The following XRCC6 variants were observed in gnomAD, a reference collection of about 807,000 sequenced individuals.
XRCC6 encodes X-ray repair cross complementing 6.
XRCC6 carries 5 observed loss-of-function variants against 65.7 expected under a neutral mutation model. That is an observed-to-expected ratio of 0.08 (90% confidence interval 0.04 to 0.16). The LOEUF is 0.16. Among genes scored for constraint, XRCC6 ranks in the 10% least tolerant of loss-of-function variants. The pLI is 1.00. For missense variants in XRCC6, 447 were observed against 738.1 expected, an observed-to-expected ratio of 0.61 and a Z score of 4.57; for synonymous variants, 270 against 270.6, an observed-to-expected ratio of 1.00 and a Z score of 0.02.
At position 41,663,701 on chromosome 22, in the gene XRCC6, G is replaced by T; in HGVS notation, c.1716G>T (p.Thr572=). 4 of 1,613,972 alleles carry T rather than the reference G, an allele frequency of 2.5e-6. No homozygotes were observed. The highest frequency in any genetic ancestry group is 1.7e-5 in the Admixed American group (1 of 60,016). The change falls in exon 13 of 13, where the codon ACG becomes ACT. Residue 572 remains threonine, a synonymous_variant. Transcript: ENST00000360079. ...EELKTHISKG[T]LGKFTVPMLK... is the part of the protein sequence containing the mutation. The stretch of plus-strand genomic sequence containing the variant: ...TGAAGACCCACATCAGCAAGGGTAC[G>T]CTGGGCAAGTTCACTGTGCCCATGC...
chr22:41,649,126 CA>C lies in XRCC6; in HGVS notation c.961-1583del, dbSNP rs1335320703. Among the ~76,000 whole-genome samples the C allele has an allele frequency of 2.3e-3, 209 of 90,250 alleles. 6 individuals are homozygous for C. Among genetic ancestry groups the C allele is most frequent in the East Asian group, 6.3e-3 (25 of 3,998 alleles). The allele number at this position is 90,250 out of a possible 152,430, so 59.2% of individuals were successfully genotyped here. A position where few individuals can be genotyped will look rare whatever the true frequency, so the allele number is the denominator to read the frequency against. On this transcript the variant is annotated intron_variant, in intron 7 of 12. Coordinates refer to ENST00000360079, the MANE Select transcript of XRCC6 (RefSeq NM_001469.5). The stretch of plus-strand genomic sequence containing the variant: ...GGTGCACAGCCTGGGGAAGAGAGTA[CA>C]AAAAAAAAAAAAATATATATATATA...
chr22:41,627,664 GAAGTTTTA>G (rs2067693714), intron 2 of XRCC6, among the ~76,000 whole-genome samples: 2 of 149,624 alleles, frequency 1.3e-5, no homozygotes, highest in African/African-American at 2.5e-5. Context: ...CCTGAGCTCA[GAAGTTTTA>G]GATCAGCCTG....
chr22:41,661,281 G>T (rs1345823661), intron 11 of XRCC6, 50 bp from the exon 12 acceptor site: 1 of 1,532,066 alleles, frequency 6.5e-7, no homozygotes, highest in African/African-American at 1.4e-5. Context: ...TGGACAGCAA[G>T]CTGGGGCTCG....
chr22:41,637,560 G>T, intron 5 of XRCC6, 48 bp from the exon 6 acceptor site: 1 of 1,460,900 alleles, frequency 6.8e-7, no homozygotes, highest in Non-Finnish European at 9.1e-7. Flanking sequence ...CTTCTCACTT[G>T]CTGAAAATTG....
chr22:41,655,866 A>C (rs1007025179), intron 9 of XRCC6, among the ~76,000 whole-genome samples: 3 of 151,744 alleles, frequency 2.0e-5, no homozygotes, highest in Non-Finnish European at 4.4e-5. Flanking sequence ...GTCCGGCCCA[A>C]GCTAGTTTTC....
intron 6 of XRCC6, among the ~76,000 whole-genome samples, chr22:41,640,504 G>C (rs28384741): frequency 0.14 from 21,059 of 152,102 alleles, 4,012 homozygotes; most frequent in African/African-American, 0.43. Flanking sequence ...AGGCTGGTCT[G>C]AGACTCCTGG....
At chr22:41,647,165 C>T (rs1233632882) in intron 7 of XRCC6, 83 bp downstream of exon 7, 4 of 1,457,364 alleles carry the variant, frequency 2.7e-6, no homozygotes, top group Non-Finnish European at 3.8e-6. Flanking sequence ...GTGGGGCGAA[C>T]ATGACTCGCT....
chr22:41,637,542 T>C (rs907724991), intron 5 of XRCC6, 66 bp from the exon 6 acceptor site: 6 of 1,383,386 alleles, frequency 4.3e-6, no homozygotes, highest in African/African-American at 2.9e-5. Context: ...CAGTTTTAAC[T>C]GAAAGAACTT....
chr22:41,658,181 G>A lies in XRCC6; in HGVS notation c.1422-71G>A. 3 of 1,509,918 alleles carry A rather than the reference G, an allele frequency of 2.0e-6. No homozygotes were observed. In the South Asian group the frequency reaches 3.4e-5, roughly 17 times the overall value. The allele number at this position is 1,509,918 out of a possible 1,614,324, so 93.5% of individuals were successfully genotyped here. A position where few individuals can be genotyped will look rare whatever the true frequency, so the allele number is the denominator to read the frequency against. On this transcript the variant is annotated intron_variant, in intron 10 of 12. Transcript: ENST00000360079. ...TCACCCCGGACCTGTAGTATCTCAG[G>A]TGGTTTTATTCTAATTTTTTCAATG...
chr22:41,634,220 C>T (rs951532597), intron 3 of XRCC6, among the ~76,000 whole-genome samples: 15 of 150,688 alleles, frequency 1.0e-4, no homozygotes, highest in African/African-American at 3.7e-4. Context: ...GGGTCTCGCT[C>T]TGTCATCTAG....
intron 2 of XRCC6, 143 bp downstream of exon 2, chr22:41,622,229 C>A: frequency 2.2e-6 from 2 of 900,484 alleles, no homozygotes; most frequent in Non-Finnish European, 3.4e-6. Flanking sequence ...CTTTGAACTT[C>A]GCAGAGCTAC....
chr22:41,621,875 C>T lies in XRCC6; in HGVS notation c.-15-115C>T, dbSNP rs34266516. On this transcript the variant is annotated intron_variant, in intron 1 of 12. Transcript: ENST00000360079. ...GAGCTTTCGAGGCAGCAGGATTTAC[C>T]GTCCACATTCCTCACTACTAACCAA... The T allele has an allele frequency of 8.7e-4, 831 of 960,126 alleles. 1 individual carries two copies. Among genetic ancestry groups the T allele is most frequent in the Non-Finnish European group, 9.4e-4 (591 of 625,944 alleles). The allele number at this position is 960,126 out of a possible 1,614,324, so 59.5% of individuals were successfully genotyped here. A position where few individuals can be genotyped will look rare whatever the true frequency, so the allele number is the denominator to read the frequency against.
In XRCC6 at chr22:41,644,328, A is replaced by G. The variant is rs2067909114; in HGVS notation, c.774-2568A>G. Among the ~76,000 whole-genome samples the G allele has an allele frequency of 2.0e-5, 3 of 152,002 alleles. No individual in the cohort carries two copies. In the South Asian group the frequency reaches 6.2e-4, roughly 32 times the overall value. On this transcript the variant is annotated intron_variant, in intron 6 of 12. Coordinates refer to ENST00000360079, the MANE Select transcript of XRCC6 (RefSeq NM_001469.5). ...TTTCAACCTTTTTCCATGTACTGAG[A>G]CTTGTTTTGTGGCCCAACATATGAT... is the stretch of plus-strand genomic sequence containing the variant.
intron 3 of XRCC6, among the ~76,000 whole-genome samples, chr22:41,631,998 C>G (rs947066414): frequency 6.6e-6 from 1 of 152,132 alleles, no homozygotes; most frequent in African/African-American, 2.4e-5. Context: ...CGTGGCGGCA[C>G]GCGCCTGCAA....
chr22:41,640,022 T>TA (rs1308201043), intron 6 of XRCC6, among the ~76,000 whole-genome samples: 1 of 152,006 alleles, frequency 6.6e-6, no homozygotes, highest in Non-Finnish European at 1.5e-5. Context: ...TGTTTCTTCC[T>TA]AAAGACCTAC....
At chr22:41,630,250 G>A (rs1476184179) in intron 3 of XRCC6, among the ~76,000 whole-genome samples, 1 of 151,954 alleles carries the variant, frequency 6.6e-6, no homozygotes, top group African/African-American at 2.4e-5. Context: ...CCAAAGTGCT[G>A]GGATTGCAGG....
rs1459505577 is a variant in XRCC6, at chr22:41,642,760, T to C, written c.774-4136T>C. Among the ~76,000 whole-genome samples, 9 of 152,288 alleles carry C rather than the reference T, an allele frequency of 5.9e-5. No individual in the cohort carries two copies. The East Asian group carries it at 1.4e-3, about 23-fold the overall frequency. ...ATAGTTACTTTTGAAGATTGTGCAG[T>C]TTTGTAATTGGTTGCATTTATCGTC... On this transcript the variant is annotated intron_variant, in intron 6 of 12. Coordinates refer to ENST00000360079, the MANE Select transcript of XRCC6 (RefSeq NM_001469.5).
At position 41,623,832 on chromosome 22, in the gene XRCC6, C is replaced by T. The variant is rs143318468; in HGVS notation, c.82+1746C>T. Among the ~76,000 whole-genome samples the T allele has an allele frequency of 1.1e-3, 168 of 152,198 alleles. 3 individuals are homozygous for T. In the East Asian group the frequency reaches 0.03, roughly 27 times the overall value. ...GCCACCCCAGTTCAGGCTATTCTCC[C>T]ATCTCAGCCTCCCAAGCAGCTGGGA... On this transcript the variant is annotated intron_variant, in intron 2 of 12. Coordinates refer to ENST00000360079, the MANE Select transcript of XRCC6 (RefSeq NM_001469.5).
Position 41,653,520 on chromosome 22 carries a change from G to A in XRCC6, c.1130-9G>A. 2 of 1,559,566 alleles carry A rather than the reference G, an allele frequency of 1.3e-6. No individual in the cohort carries two copies. The highest frequency in any genetic ancestry group is 1.7e-6 in the Non-Finnish European group (2 of 1,146,230). ...TAGGAGGCTAGTCACTGGGCTTTTT[G>A]TTTTCTAGGGAGCTCAACCCTGTTC... On this transcript the variant is annotated splice_polypyrimidine_tract_variant and intron_variant, in intron 8 of 12. Transcript: ENST00000360079.
Sources: gnomAD v4.1 joint callset for allele counts (sites outside exome capture counted in the v4.1 genomes callset) on GRCh38, gnomAD v4.1.1 for gene constraint, MANE v1.5 for transcripts, NCBI Gene and HGNC (gene_info 2026-07-23, HGNC 2026-07-21) for gene names.